FRK: variants seen among roughly 807,000 people sequenced by gnomAD.
FRK encodes fyn related Src family tyrosine kinase, also known as tyrosine-protein kinase FRK.
FRK carries 51 observed loss-of-function variants against 56.4 expected under a neutral mutation model. That is an observed-to-expected ratio of 0.90 (90% CI 0.72 to 1.14). The LOEUF (loss-of-function observed/expected upper bound fraction) is 1.14. Ranked by LOEUF, FRK falls within the 50% of genes most tolerant of loss-of-function variation. The pLI is 0.00. For synonymous variants in FRK, 245 were observed against 217.9 expected (o/e 1.12, Z -1.10); for missense variants, 570 against 601.4 (o/e 0.95, Z 0.55).
At chr6:116,006,447 T>A (rs1276537196) in intron 1 of FRK, among the ~76,000 whole-genome samples, 1 of 152,224 alleles carries the variant, frequency 6.6e-6, no homozygotes, top group Admixed American at 6.5e-5. Flanking sequence ...TTGGTACAAC[T>A]AATTTAAGAG....
At chr6:115,968,774 T>G (rs1562263154) in intron 2 of FRK, 35 bp from the exon 3 acceptor site, 1 of 1,586,534 alleles carries the variant, frequency 6.3e-7, no homozygotes, top group Non-Finnish European at 8.6e-7. Context: ...AATAAACTTC[T>G]TGCTAAAACC....
At chr6:116,017,386 G>A (rs149420089) in intron 1 of FRK, among the ~76,000 whole-genome samples, 2 of 152,240 alleles carry the variant, frequency 1.3e-5, no homozygotes, top group East Asian at 1.9e-4. Flanking sequence ...GGCAAACACC[G>A]AGCTGTAACC....
At chr6:115,990,838 A>G (rs1006330877) in intron 2 of FRK, among the ~76,000 whole-genome samples, 1 of 151,880 alleles carries the variant, frequency 6.6e-6, no homozygotes. Flanking sequence ...TAGAAACTGC[A>G]TTGAATTTGT....
intron 1 of FRK, among the ~76,000 whole-genome samples, chr6:116,057,270 T>TTC (rs1777434622): frequency 6.6e-6 from 1 of 152,094 alleles, no homozygotes; most frequent in Non-Finnish European, 1.5e-5. Context: ...TACGTTAATT[T>TTC]TCACAGCATT....
At chr6:115,988,102 T>C (rs1774457696) in intron 2 of FRK, among the ~76,000 whole-genome samples, 1 of 152,018 alleles carries the variant, frequency 6.6e-6, no homozygotes, top group South Asian at 2.1e-4. Context: ...AAATAGTTTC[T>C]CAGATTGCAG....
chr6:116,004,865 T>C (rs1307074150), intron 1 of FRK, among the ~76,000 whole-genome samples: 2 of 152,170 alleles, frequency 1.3e-5, no homozygotes, highest in East Asian at 1.9e-4. Context: ...CCCCTCACTG[T>C]AGGGCCATAA....
the FRK span, among the ~76,000 whole-genome samples, chr6:116,069,890 T>C: frequency 3.9e-5 from 6 of 152,218 alleles, no homozygotes; most frequent in South Asian, 1.0e-3. Context: ...ACAGTCTGCC[T>C]TTTTAACAAG....
chr6:115,942,777 G>T, intron 7 of FRK, 152 bp from the exon 8 acceptor site: 2 of 769,486 alleles, frequency 2.6e-6, no homozygotes, highest in East Asian at 2.7e-5. Flanking sequence ...AGGTTACACA[G>T]ATTAAACTAA....
At chr6:115,960,181 T>G (rs1045412113) in intron 4 of FRK, among the ~76,000 whole-genome samples, 6 of 150,846 alleles carry the variant, frequency 4.0e-5, no homozygotes, top group Non-Finnish European at 5.9e-5. Flanking sequence ...CAGGCCAGTG[T>G]GTGCGCGCAC....
At chr6:116,067,544 C>T in the FRK span, among the ~76,000 whole-genome samples, 3 of 152,196 alleles carry the variant, frequency 2.0e-5, no homozygotes, top group South Asian at 6.2e-4. Context: ...AGAGCTTAAC[C>T]TGTTATAGGC....
chr6:115,943,208 G>C (rs1417568976), intron 6 of FRK, 23 bp from the exon 7 acceptor site: 2 of 1,542,006 alleles, frequency 1.3e-6, no homozygotes, highest in African/African-American at 2.8e-5. Context: ...TAAGGAATCA[G>C]GCCGAGTTAA....
At chr6:116,009,608 T>C (rs901315841) in intron 1 of FRK, among the ~76,000 whole-genome samples, 1 of 152,220 alleles carries the variant, frequency 6.6e-6, no homozygotes, top group African/African-American at 2.4e-5. Context: ...CCATGAAAGA[T>C]ATCTTTATTA....
chr6:116,084,576 G>A, the FRK span, among the ~76,000 whole-genome samples: 5 of 152,282 alleles, frequency 3.3e-5, no homozygotes, highest in South Asian at 1.0e-3. Context: ...CCAAAATACT[G>A]TGGAATTCCT....
chr6:116,078,363 A>T, the FRK span, among the ~76,000 whole-genome samples: 1 of 152,108 alleles, frequency 6.6e-6, no homozygotes, highest in African/African-American at 2.4e-5. Context: ...TTTTCTTCTA[A>T]TGTCCCTTGA....
chr6:116,018,788 T>C (rs753348002), intron 1 of FRK, among the ~76,000 whole-genome samples: 7 of 152,146 alleles, frequency 4.6e-5, no homozygotes, highest in Non-Finnish European at 8.8e-5. Context: ...TTGCCTGGGA[T>C]AATTTTTTTT....
chr6:116,081,394 C>T, the FRK span, among the ~76,000 whole-genome samples: 9 of 152,272 alleles, frequency 5.9e-5, no homozygotes, highest in South Asian at 6.2e-4. Flanking sequence ...CAGTGGCTCA[C>T]GCCTGTAATC....
rs964661167 is a variant in FRK at position 115,947,523 on chromosome 6, G to A, written c.959-3098C>T. ...AGCCCTGTCACTAGTTCTGGGCAATGCAATGTGTGCAAAAACGATGAACAT... is the reference window on the plus strand; with the variant it reads ...AGCCCTGTCACTAGTTCTGGGCAATACAATGTGTGCAAAAACGATGAACAT... On this transcript the variant is annotated intron_variant, in intron 5 of 7. Coordinates refer to ENST00000606080, the MANE Select transcript of FRK (RefSeq NM_002031.3). Among the ~76,000 whole-genome samples, 9 of 152,048 alleles carry A rather than the reference G, an allele frequency of 5.9e-5. 1 individual carries two copies. The highest frequency in any genetic ancestry group is 2.2e-4 in the African/African-American group (9 of 41,378).
intron 1 of FRK, among the ~76,000 whole-genome samples, chr6:116,036,822 G>C (rs1345688806): frequency 6.6e-6 from 1 of 151,960 alleles, no homozygotes; most frequent in Non-Finnish European, 1.5e-5. Context: ...CAAATTAAAT[G>C]AGCACTGTCC....
chr6:115,996,747 T>C (rs1774856354), intron 2 of FRK, among the ~76,000 whole-genome samples: 1 of 152,116 alleles, frequency 6.6e-6, no homozygotes, highest in South Asian at 2.1e-4. Flanking sequence ...AAGCATGAAA[T>C]AGAAGCAATA....
Sources: allele counts gnomAD v4.1 joint callset (sites outside exome capture counted in the v4.1 genomes callset), GRCh38; gene constraint gnomAD v4.1.1; transcripts MANE v1.5; gene names NCBI Gene and HGNC (gene_info 2026-07-23, HGNC 2026-07-21).